The following GLS2 variants were observed in gnomAD, a reference collection of about 807,000 sequenced individuals.
GLS2 encodes the protein glutaminase 2.
GLS2 carries 52 observed loss-of-function variants against 79.0 expected under a neutral mutation model. The observed-to-expected ratio is 0.66, with a 90% confidence interval of 0.53 to 0.83. The LOEUF (loss-of-function observed/expected upper bound fraction) is 0.83, where lower values mean the gene tolerates loss of function less well. GLS2 is among the 40% of genes least tolerant of loss of function. GLS2 has a pLI of 0.00. For missense variants in GLS2, 561 were observed against 764.8 expected (o/e 0.73, Z 3.14); for synonymous variants, 238 against 280.8 (o/e 0.85, Z 1.52).
intron 14 of GLS2, 182 bp downstream of exon 14, chr12:56,473,046 C>T (rs775358422): frequency 1.9e-5 from 12 of 626,810 alleles, no homozygotes; most frequent in Admixed American, 3.1e-5. Context: ...CGTGCCACCA[C>T]GTCTGGCTAA....
chr12:56,475,671 A>C lies in GLS2; in HGVS notation c.882T>G (p.Tyr294Ter). The change falls in exon 9 of 18, where the codon TAT becomes TAG. Residue 294 changes from tyrosine to a stop codon, truncating the protein, a stop_gained. Coordinates refer to ENST00000311966, the MANE Select transcript of GLS2 (RefSeq NM_013267.4). LOFTEE classifies it high-confidence loss of function. ...ATTCATTCCCAGCCATTTTGTTGAG[A>C]TACTGCAACACCTGGAAGAGAAAAA... ...KAEKFDFVLQYLNKMAGNEYM... is the reference protein window; with the variant it reads ...KAEKFDFVLQ The C allele has an allele frequency of 6.2e-7, 1 of 1,614,184 alleles. No individual in the cohort carries two copies. Among genetic ancestry groups the C allele is most frequent in the Non-Finnish European group, 8.5e-7 (1 of 1,180,044 alleles).
At chr12:56,472,919 G>A (rs1869429777) in intron 14 of GLS2, 168 bp from the exon 15 acceptor site, 3 of 592,580 alleles carry the variant, frequency 5.1e-6, no homozygotes, top group East Asian at 3.1e-5. Flanking sequence ...ACGGAGTCTC[G>A]CTCTGTCGTT....
chr12:56,487,044 C>CAGGGAGATGGCAGCGACG (rs1870748256), intron 1 of GLS2, among the ~76,000 whole-genome samples: 1 of 152,130 alleles, frequency 6.6e-6, no homozygotes. Flanking sequence ...TGAGTGTCAT[C>CAGGGAGATGGCAGCGACG]AGGGAGATGG....
At chr12:56,475,820 G>T in intron 8 of GLS2, 125 bp downstream of exon 8, 1 of 1,412,326 alleles carries the variant, frequency 7.1e-7, no homozygotes, top group Non-Finnish European at 1.0e-6. Context: ...CCACATTTCT[G>T]GAAATAAGGC....
chr12:56,487,116 C>G lies in GLS2; in HGVS notation c.182+821G>C, dbSNP rs1379139914. ...TACAGTAGAGCAGGGGCTCTTTGGA[C>G]AGTGTCTATGCTGGCCCTCTGGGGA... On this transcript the variant is annotated intron_variant, in intron 1 of 17. Transcript: ENST00000311966. Among the ~76,000 whole-genome samples the G allele has an allele frequency of 2.0e-5, 3 of 152,162 alleles. No individual in the cohort carries two copies. In the East Asian group the frequency reaches 5.8e-4, roughly 29 times the overall value.
At chr12:56,472,557 A>C (rs1000318992) in intron 15 of GLS2, 133 bp downstream of exon 15, 8 of 790,742 alleles carry the variant, frequency 1.0e-5, no homozygotes, top group Non-Finnish European at 1.6e-5. Flanking sequence ...TTTTAAAAAA[A>C]TTTCATTTAA....
chr12:56,474,734 G>A lies in GLS2; in HGVS notation c.1048-14C>T. The A allele has an allele frequency of 6.2e-7, 1 of 1,608,628 alleles. No individual in the cohort carries two copies. The highest frequency in any genetic ancestry group is 8.5e-7 in the Non-Finnish European group (1 of 1,176,428). ...CACAGAACACAGCTATGAAAACAAA[G>A]AATAGGTGAAGATGTGACGTGAACC... is the stretch of plus-strand genomic sequence containing the variant. On this transcript the variant is annotated splice_polypyrimidine_tract_variant and intron_variant, in intron 11 of 17. Coordinates refer to ENST00000311966, the MANE Select transcript of GLS2 (RefSeq NM_013267.4).
intron 7 of GLS2, chr12:56,476,468 C>A: frequency 6.0e-6 from 1 of 168,054 alleles, no homozygotes; most frequent in Non-Finnish European, 1.3e-5. Flanking sequence ...TTACTCCATC[C>A]CATTGGCCAG....
rs1227683824 is a variant in GLS2, at chr12:56,472,113, C to G, written c.1588+6G>C. On this transcript the variant is annotated splice_donor_region_variant and intron_variant, in intron 16 of 17. Transcript: ENST00000311966. ...CCTCCTCCTCCCCTCCTTAACCCTTCAGTACCTTCAGCTGCAGCAACATGC... is the reference window on the plus strand; with the variant it reads ...CCTCCTCCTCCCCTCCTTAACCCTTGAGTACCTTCAGCTGCAGCAACATGC... 6.2e-7 allele frequency: 1 copy of G among 1,614,048 alleles called. No homozygotes were observed. The highest frequency in any genetic ancestry group is 2.2e-5 in the East Asian group (1 of 44,894).
chr12:56,487,569 C>A, intron 1 of GLS2: 1 of 316,404 alleles, frequency 3.2e-6, no homozygotes, highest in Non-Finnish European at 5.9e-6. Flanking sequence ...TGTTCCACAT[C>A]CACGCATCTC....
At position 56,475,981 on chromosome 12, in the gene GLS2, C is replaced by CTT; in HGVS notation, c.838-5_838-4insAA. The CTT allele has an allele frequency of 6.2e-7, 1 of 1,612,870 alleles. No individual in the cohort carries two copies. The highest frequency in any genetic ancestry group is 1.1e-5 in the South Asian group (1 of 91,062). ...TCTCTGCTTTGTTACAGTCCATCTGCAGAGAAAGAGAGAGATGTCAGCATT... is the reference window on the plus strand; with the variant it reads ...TCTCTGCTTTGTTACAGTCCATCTGCTTAGAGAAAGAGAGAGATGTCAGCATT... On this transcript the variant is annotated splice_region_variant and splice_polypyrimidine_tract_variant and intron_variant, in intron 7 of 17. Coordinates refer to ENST00000311966, the MANE Select transcript of GLS2 (RefSeq NM_013267.4).
chr12:56,481,747 C>A (rs562872362), intron 1 of GLS2, among the ~76,000 whole-genome samples: 4 of 150,012 alleles, frequency 2.7e-5, no homozygotes, highest in Admixed American at 2.7e-4. Flanking sequence ...CAAAATTAAC[C>A]GGGCATAGTG....
chr12:56,479,627 C>G, intron 3 of GLS2, 153 bp downstream of exon 3: 1 of 903,958 alleles, frequency 1.1e-6, no homozygotes. Flanking sequence ...TGTTTGAACT[C>G]TTATGATGAG....
intron 14 of GLS2, 195 bp from the exon 15 acceptor site, chr12:56,472,946 GGC>G (rs1278617529): frequency 7.0e-6 from 4 of 573,504 alleles, no homozygotes; most frequent in South Asian, 4.2e-5. Flanking sequence ...GAAGTGTAGT[GGC>G]GCGCGGTCTT....
chr12:56,485,436 T>A (rs1870607303), intron 1 of GLS2, among the ~76,000 whole-genome samples: 1 of 151,966 alleles, frequency 6.6e-6, no homozygotes, highest in Non-Finnish European at 1.5e-5. Flanking sequence ...TCTGTATTTT[T>A]TTTTTTTTGG....
chr12:56,472,147 G>A lies in GLS2; in HGVS notation c.1560C>T (p.Arg520=), dbSNP rs774567560. The change falls in exon 16 of 18, where the codon CGC becomes CGT. Residue 520 remains arginine (R), a synonymous_variant. Coordinates refer to ENST00000311966, the MANE Select transcript of GLS2 (RefSeq NM_013267.4). ...CAGCTGCAGCAACATGCAGAGCTGT[G>A]CGCGAGTCATAGTCTTTCTGTTCCA... is the stretch of plus-strand genomic sequence containing the variant. ...MDMEQKDYDS[R]TALHVAAAEG... is the part of the protein sequence containing the mutation. 1.9e-6 allele frequency: 3 copies of A among 1,614,010 alleles called. No individual in the cohort carries two copies. The highest frequency in any genetic ancestry group is 1.3e-5 in the African/African-American group (1 of 74,892).
At chr12:56,485,080 C>T (rs568312509) in intron 1 of GLS2, among the ~76,000 whole-genome samples, 2 of 152,158 alleles carry the variant, frequency 1.3e-5, no homozygotes, top group African/African-American at 4.8e-5. Context: ...CAATGTCATA[C>T]ACATTCGATG....
intron 3 of GLS2, chr12:56,479,414 T>A (rs1020492618): frequency 6.6e-5 from 32 of 483,914 alleles, no homozygotes; most frequent in Admixed American, 3.8e-5. Context: ...AGAAAAAAAA[T>A]AAATACCAGA....
At chr12:56,475,509 TC>T (rs147746706) in intron 9 of GLS2, 114 bp downstream of exon 9, 1 of 1,098,828 alleles carries the variant, frequency 9.1e-7, no homozygotes, top group African/African-American at 1.6e-5. Flanking sequence ...GGGCCAAAGT[TC>T]CCCTGGGATT....
Sources: allele counts gnomAD v4.1 joint callset (sites outside exome capture counted in the v4.1 genomes callset), GRCh38; gene constraint gnomAD v4.1.1; transcripts MANE v1.5; gene names NCBI Gene and HGNC (gene_info 2026-07-23, HGNC 2026-07-21).